Variants in COG5 observed in about 807,000 individuals in gnomAD.
The protein encoded by COG5 is conserved oligomeric Golgi complex subunit 5.
COG5 carries 86 observed loss-of-function variants against 110.4 expected under a neutral mutation model. The observed-to-expected ratio is 0.78, with a 90% CI of 0.65 to 0.93. The LOEUF (loss-of-function observed/expected upper bound fraction) is 0.93, where lower values mean the gene tolerates loss of function less well. COG5 is among the 40% of genes least tolerant of loss of function. The pLI, the probability that COG5 is intolerant of heterozygous loss-of-function variation, is 0.00. For missense variants in COG5, 1,077 were observed against 987.0 expected (o/e 1.09, Z -1.22); for synonymous variants, 360 against 334.6 (o/e 1.08, Z -0.83).
Position 107,530,029 on chromosome 7 carries a change from C to T in COG5, c.418-2672G>A, listed in dbSNP as rs115576209. ...AAGAAATTAAGCTCTTACTCTAAGA[C>T]TGTCATCCAGAATTCCCTAATCCTA... On this transcript the variant is annotated intron_variant, in intron 5 of 21. Transcript: ENST00000297135. Among the ~76,000 whole-genome samples the T allele has an allele frequency of 5.6e-3, 854 of 152,320 alleles. 9 individuals are homozygous for T. Among genetic ancestry groups the T allele is most frequent in the African/African-American group, 0.02 (823 of 41,574 alleles).
chr7:107,296,332 C>G (rs1806746357), intron 12 of COG5, among the ~76,000 whole-genome samples: 1 of 151,966 alleles, frequency 6.6e-6, no homozygotes, highest in Admixed American at 6.5e-5. Context: ...TTAGTACATG[C>G]ACATAGATTT....
rs538858490 is a variant in COG5 at position 107,505,865 on chromosome 7, C to A, written c.538+21372G>T. 2.0e-5 allele frequency among the ~76,000 whole-genome samples: 3 copies of A among 152,254 alleles called. No individual in the cohort carries two copies. The South Asian group carries it at 6.2e-4, about 32-fold the overall frequency. On this transcript the variant is annotated intron_variant, in intron 6 of 21. Transcript: ENST00000297135. Reference sequence around the variant, plus strand: ...CTGTTGTTCCTCTGGGTCTAGATGCCCAGTGTGGCTGCCATACTCTAGGCT... The same window carrying A: ...CTGTTGTTCCTCTGGGTCTAGATGCACAGTGTGGCTGCCATACTCTAGGCT...
intron 5 of COG5, among the ~76,000 whole-genome samples, chr7:107,546,965 C>G (rs1802499862): frequency 6.6e-6 from 1 of 152,058 alleles, no homozygotes; most frequent in Non-Finnish European, 1.5e-5. Context: ...AAAACTAATA[C>G]CAATCCTTCT....
intron 6 of COG5, among the ~76,000 whole-genome samples, chr7:107,495,094 T>C (rs570942232): frequency 6.6e-6 from 1 of 152,218 alleles, no homozygotes; most frequent in South Asian, 2.1e-4. Context: ...GTCTGCTGCT[T>C]TTTCAGACTG....
intron 7 of COG5, among the ~76,000 whole-genome samples, chr7:107,379,502 T>C (rs115172170): frequency 0.061 from 9,303 of 151,690 alleles, 327 homozygotes; most frequent in African/African-American, 0.092. Context: ...TCAAGACCCA[T>C]TGGTGGGCTA....
chr7:107,271,594 C>T (rs1399501666), intron 14 of COG5, among the ~76,000 whole-genome samples: 3 of 151,942 alleles, frequency 2.0e-5, no homozygotes, highest in African/African-American at 7.2e-5. Flanking sequence ...AAAGTAAATT[C>T]TATTTTCTGT....
At chr7:107,409,230 GAAAA>G (rs11366303) in intron 7 of COG5, among the ~76,000 whole-genome samples, 1 of 104,990 alleles carries the variant, frequency 9.5e-6, no homozygotes, top group African/African-American at 3.3e-5. Flanking sequence ...CAACGTCAAG[GAAAA>G]AAAAAAAAAA....
At chr7:107,291,947 G>A (rs966204264) in intron 12 of COG5, among the ~76,000 whole-genome samples, 5 of 152,162 alleles carry the variant, frequency 3.3e-5, no homozygotes, top group African/African-American at 9.7e-5. Context: ...AGTTGCAAAT[G>A]AAGTCACTTA....
chr7:107,254,586 C>T (rs1394140800), intron 16 of COG5, among the ~76,000 whole-genome samples: 1 of 152,116 alleles, frequency 6.6e-6, no homozygotes, highest in African/African-American at 2.4e-5. Flanking sequence ...TAGCAAAGTA[C>T]AGACCCAGCT....
intron 7 of COG5, among the ~76,000 whole-genome samples, chr7:107,392,676 C>CAA (rs60351972): frequency 1.6e-3 from 224 of 136,944 alleles, no homozygotes; most frequent in South Asian, 4.0e-3. Flanking sequence ...ATTGAAATAC[C>CAA]AAAAAAAAAA....
At chr7:107,359,691 C>T (rs377368363) in intron 10 of COG5, among the ~76,000 whole-genome samples, 7 of 152,212 alleles carry the variant, frequency 4.6e-5, no homozygotes, top group Non-Finnish European at 8.8e-5. Flanking sequence ...CTCAGCCAGA[C>T]GACAGGACTA....
At chr7:107,255,702 T>C (rs1053064828) in intron 16 of COG5, among the ~76,000 whole-genome samples, 4 of 152,242 alleles carry the variant, frequency 2.6e-5, no homozygotes, top group African/African-American at 9.6e-5. Context: ...TATTGTACCA[T>C]TTTATAGATG....
chr7:107,417,281 T>C (rs879516058), intron 6 of COG5, among the ~76,000 whole-genome samples: 18 of 152,328 alleles, frequency 1.2e-4, no homozygotes, highest in South Asian at 8.3e-4. Context: ...TCTTTTTAAA[T>C]CTATCCTTTT....
At chr7:107,545,333 C>T (rs1171887923) in intron 5 of COG5, among the ~76,000 whole-genome samples, 1 of 152,084 alleles carries the variant, frequency 6.6e-6, no homozygotes, top group Non-Finnish European at 1.5e-5. Context: ...ATATTACAAT[C>T]AAATTGTCAA....
At chr7:107,335,635 T>G (rs985512043) in intron 10 of COG5, among the ~76,000 whole-genome samples, 2 of 152,080 alleles carry the variant, frequency 1.3e-5, no homozygotes, top group African/African-American at 4.8e-5. Flanking sequence ...ACAGCGAATG[T>G]AAATGGATTC....
At chr7:107,240,149 A>G (rs1801501167) in intron 17 of COG5, among the ~76,000 whole-genome samples, 1 of 152,212 alleles carries the variant, frequency 6.6e-6, no homozygotes, top group Admixed American at 6.5e-5. Context: ...TTGGAAAGAA[A>G]CACGTCAGTC....
At chr7:107,315,951 T>C (rs1340769591) in intron 11 of COG5, among the ~76,000 whole-genome samples, 1 of 152,188 alleles carries the variant, frequency 6.6e-6, no homozygotes, top group Non-Finnish European at 1.5e-5. Context: ...TCTTTCACTA[T>C]ACAAGACAGA....
At chr7:107,433,361 T>A (rs1295450364) in intron 6 of COG5, among the ~76,000 whole-genome samples, 1 of 152,146 alleles carries the variant, frequency 6.6e-6, no homozygotes, top group African/African-American at 2.4e-5. Flanking sequence ...AAAATTCATA[T>A]GGAATCTCAA....
intron 6 of COG5, chr7:107,475,348 G>A: frequency 6.6e-7 from 1 of 1,507,154 alleles, no homozygotes; most frequent in South Asian, 1.3e-5. Context: ...AGTGCCTCAG[G>A]TTGTCACAGA....
Sources: allele counts gnomAD v4.1 joint callset (sites outside exome capture counted in the v4.1 genomes callset), GRCh38; gene constraint gnomAD v4.1.1; transcripts MANE v1.5; gene names NCBI Gene and HGNC (gene_info 2026-07-23, HGNC 2026-07-21).